The following FNBP4 variants were observed in gnomAD, a reference collection of about 807,000 sequenced individuals.
FNBP4 encodes formin-binding protein 4.
A neutral mutation model predicts 119.3 loss-of-function variants in FNBP4; 34 were observed. The observed-to-expected ratio is 0.28, with a 90% CI of 0.22 to 0.38. FNBP4 has a LOEUF of 0.38. FNBP4 is among the 10% of genes least tolerant of loss of function. FNBP4 has a pLI of 1.00. For missense variants in FNBP4, 1,112 were observed against 1,228.9 expected (o/e 0.90, Z 1.42); for synonymous variants, 462 against 430.6 (o/e 1.07, Z -0.90).
rs953603689 is a variant in FNBP4 at position 47,732,462 on chromosome 11, C to T, written c.1820+75G>A. 14 of 1,596,338 alleles carry T rather than the reference C, an allele frequency of 8.8e-6. No homozygotes were observed. The African/African-American group carries it at 1.3e-4, about 15-fold the overall frequency. The stretch of plus-strand genomic sequence containing the variant: ...TCAGTCTCCAGACAGGCTGTCATGT[C>T]GTCAGATGGTGGTGATCACAAATCA... On this transcript the variant is annotated intron_variant, in intron 11 of 16. Coordinates refer to ENST00000263773, the MANE Select transcript of FNBP4 (RefSeq NM_015308.5). The surrounding 1 kb of genome is among the most constrained non-coding windows in gnomAD (Gnocchi z 4.2).
At chr11:47,756,871 A>T (rs1020526809) in intron 2 of FNBP4, among the ~76,000 whole-genome samples, 1 of 152,178 alleles carries the variant, frequency 6.6e-6, no homozygotes, top group African/African-American at 2.4e-5. Context: ...AAAGGACATG[A>T]ACTCATCCTT....
intron 6 of FNBP4, among the ~76,000 whole-genome samples, chr11:47,747,086 C>T (rs2097591944): frequency 6.6e-6 from 1 of 151,924 alleles, no homozygotes; most frequent in Non-Finnish European, 1.5e-5. Flanking sequence ...CCCAGGAGTG[C>T]AATTGCGTGA....
At chr11:47,765,238 G>A (rs1565172074) in intron 2 of FNBP4, 32 bp downstream of exon 2, 2 of 1,475,214 alleles carry the variant, frequency 1.4e-6, no homozygotes, top group Non-Finnish European at 1.9e-6. Flanking sequence ...AGACGTGGGA[G>A]AAAAAATGTA....
At chr11:47,730,997 T>C (rs963379293) in intron 12 of FNBP4, among the ~76,000 whole-genome samples, 4 of 152,212 alleles carry the variant, frequency 2.6e-5, no homozygotes, top group African/African-American at 9.6e-5. Context: ...AGACTAAGTG[T>C]TGTATAGAAA....
intron 2 of FNBP4, among the ~76,000 whole-genome samples, chr11:47,759,509 C>T (rs751273758): frequency 4.6e-5 from 7 of 152,010 alleles, no homozygotes; most frequent in African/African-American, 1.2e-4. Context: ...CCATGGCGCC[C>T]GGCCCAATTT....
At chr11:47,730,843 G>A (rs1421654109) in intron 12 of FNBP4, among the ~76,000 whole-genome samples, 1 of 152,212 alleles carries the variant, frequency 6.6e-6, no homozygotes, top group Non-Finnish European at 1.5e-5. Flanking sequence ...TTTTAGACCA[G>A]AAGATTGCTG....
Position 47,731,514 on chromosome 11 carries a change from T to C in FNBP4, c.1868A>G (p.Gln623Arg). Reference protein sequence around the residue: ...FYVNEQSGESQWEFPDGEEEE... With the variant: ...FYVNEQSGESRWEFPDGEEEE... ...CTCTTCACCATCTGGAAACTCCCAC[T>C]GAGACTCGCCCGACTGTTCGTTTAC... Residue 623 changes from glutamine to arginine, a missense_variant, in exon 12 of 17, where the codon CAG (glutamine) becomes CGG (arginine). Physicochemically the swap from Gln to Arg is conservative, Grantham distance 43. This residue lies in a region of FNBP4 where 826 missense variants were observed against 988.8 expected (regional missense o/e 0.84). Coordinates refer to ENST00000263773, the MANE Select transcript of FNBP4 (RefSeq NM_015308.5). 1 of 1,613,862 alleles carries C rather than the reference T, an allele frequency of 6.2e-7. No individual in the cohort carries two copies. Among genetic ancestry groups the C allele is most frequent in the Non-Finnish European group, 8.5e-7 (1 of 1,179,882 alleles).
rs754560498 is a variant in FNBP4 at position 47,767,126 on chromosome 11, T to C, written c.163A>G (p.Thr55Ala). The change falls in exon 1 of 17, where the codon ACG becomes GCG. Residue 55 changes from threonine (T) to alanine (A), a missense_variant. By Grantham distance (58) the Thr-to-Ala change is moderately conservative. This residue lies in a region of FNBP4 where 286 missense variants were observed against 240.1 expected (regional missense o/e 1.19). Transcript: ENST00000263773. ...VPSQPAPSAA[T>A]TTTTAVTAAA... Reference sequence around the variant, plus strand: ...GCAGTCACCGCGGTGGTGGTGGTCGTCGCCGCCGACGGGGCGGGCTGGCTG... The same window carrying C: ...GCAGTCACCGCGGTGGTGGTGGTCGCCGCCGCCGACGGGGCGGGCTGGCTG... 4.6e-6 allele frequency: 7 copies of C among 1,537,638 alleles called. No homozygotes were observed. The highest frequency in any genetic ancestry group is 1.9e-5 in the Admixed American group (1 of 51,412).
chr11:47,749,550 T>C (rs954638919), intron 6 of FNBP4, among the ~76,000 whole-genome samples: 17 of 152,082 alleles, frequency 1.1e-4, no homozygotes, highest in African/African-American at 3.9e-4. Flanking sequence ...AGCAAGACTC[T>C]GTCTCAAAAA....
chr11:47,755,134 C>T (rs542751095), intron 2 of FNBP4, among the ~76,000 whole-genome samples: 123 of 135,832 alleles, frequency 9.1e-4, no homozygotes, highest in African/African-American at 2.9e-3. Flanking sequence ...ACTCTGTCTC[C>T]GGGGGTTAAA....
chr11:47,752,324 C>G (rs909315944), intron 4 of FNBP4, among the ~76,000 whole-genome samples: 1 of 150,850 alleles, frequency 6.6e-6, no homozygotes, highest in Non-Finnish European at 1.5e-5. Context: ...GCTCAGGAGA[C>G]TGAGGCAGAA....
rs769317879 is a variant in FNBP4 at position 47,732,706 on chromosome 11, A to G, written c.1687-36T>C. ...CAGACAAATAAGTTAAAGACTTATT[A>G]TTACATGTCAGGAGACACAGGCAAA... On this transcript the variant is annotated intron_variant, in intron 10 of 16. Transcript: ENST00000263773. This position sits in a 1 kb window ranked among gnomAD's most constrained non-coding sequence, Gnocchi z 4.2. The G allele has an allele frequency of 1.3e-6, 2 of 1,587,572 alleles. No individual in the cohort carries two copies. Among genetic ancestry groups the G allele is most frequent in the South Asian group, 2.2e-5 (2 of 90,512 alleles).
At position 47,740,388 on chromosome 11, in the gene FNBP4, G is replaced by C. The variant is rs138418452; in HGVS notation, c.1456+3565C>G. On this transcript the variant is annotated intron_variant, in intron 8 of 16. Transcript: ENST00000263773. ...GATCGTGACACTGCAGTCCAGCCTG[G>C]GTGACAGAGTGAGACCCCGTCTCAA... is the stretch of plus-strand genomic sequence containing the variant. 4.0e-5 allele frequency among the ~76,000 whole-genome samples: 6 copies of C among 149,382 alleles called. 1 individual carries two copies. The East Asian group carries it at 1.2e-3, about 29-fold the overall frequency.
Position 47,750,940 on chromosome 11 carries a change from G to A in FNBP4, c.882C>T (p.Val294=), listed in dbSNP as rs1431760743. The part of the protein sequence containing the change: ...ISVSSSKSGP[V]IAKREVKKEV... ...CCTTTTTAACTTCTCGCTTGGCTATGACTGGTCCACTTTTACTACTGGAAA... is the reference window on the plus strand; with the variant it reads ...CCTTTTTAACTTCTCGCTTGGCTATAACTGGTCCACTTTTACTACTGGAAA... The change falls in exon 6 of 17, where the codon GTC becomes GTT. Residue 294 remains valine, a synonymous_variant. Coordinates refer to ENST00000263773, the MANE Select transcript of FNBP4 (RefSeq NM_015308.5). 2 of 1,613,870 alleles carry A rather than the reference G, an allele frequency of 1.2e-6. No individual in the cohort carries two copies. The highest frequency in any genetic ancestry group is 2.2e-5 in the East Asian group (1 of 44,876).
chr11:47,733,337 C>CTT (rs950005832), intron 10 of FNBP4, among the ~76,000 whole-genome samples: 1 of 144,594 alleles, frequency 6.9e-6, no homozygotes, highest in African/African-American at 2.5e-5. Flanking sequence ...GGATTCAGTT[C>CTT]TTTTTTTTTT....
intron 14 of FNBP4, 146 bp downstream of exon 14, chr11:47,723,882 T>G (rs78603297): frequency 5.0e-5 from 39 of 780,342 alleles, no homozygotes; most frequent in Non-Finnish European, 6.7e-5. Flanking sequence ...GTCAAAAGTT[T>G]TTTTTTTTTT....
chr11:47,730,104 T>C, intron 12 of FNBP4: 1 of 985,456 alleles, frequency 1.0e-6, no homozygotes, highest in Non-Finnish European at 1.2e-6. Context: ...AATTTTCAAC[T>C]TTGGAACATA....
chr11:47,725,243 G>A (rs2097559746), intron 12 of FNBP4: 1 of 152,806 alleles, frequency 6.5e-6, no homozygotes, highest in Admixed American at 6.5e-5. Flanking sequence ...CAAAAGTGAA[G>A]GAGTGAGTGA....
Position 47,733,964 on chromosome 11 carries a change from A to G in FNBP4, c.1686+61T>C, listed in dbSNP as rs189961729. The G allele has an allele frequency of 2.0e-4, 158 of 792,332 alleles. No homozygotes were observed. The African/African-American group carries it at 2.5e-3, about 12-fold the overall frequency. The allele number at this position is 792,332 out of a possible 1,614,324, so 49.1% of individuals were successfully genotyped here. ...GTAAGCAAGACAGAATCGTTAACAC[A>G]TACAGCATTTCATTCAAACACTTAA... On this transcript the variant is annotated intron_variant, in intron 10 of 16. Coordinates refer to ENST00000263773, the MANE Select transcript of FNBP4 (RefSeq NM_015308.5).
Sources: allele counts gnomAD v4.1 joint callset (sites outside exome capture counted in the v4.1 genomes callset), GRCh38; gene constraint gnomAD v4.1.1; regional missense constraint gnomAD v4.1.1; non-coding constraint Gnocchi (gnomAD v3.1); transcripts MANE v1.5; gene names NCBI Gene and HGNC (gene_info 2026-07-23, HGNC 2026-07-21).